The following TG variants were observed in gnomAD, a reference collection of about 807,000 sequenced individuals.
TG encodes the protein thyroid hormones.
TG carries 270 observed loss-of-function variants against 324.7 expected under a neutral mutation model. The observed-to-expected ratio is 0.83, with a 90% confidence interval of 0.75 to 0.92. The LOEUF (loss-of-function observed/expected upper bound fraction) is 0.92. TG is among the 40% of genes least tolerant of loss of function. TG has a pLI of 0.00. For synonymous variants in TG, 1,401 were observed against 1,327.0 expected (o/e 1.06, Z -1.21); for missense variants, 3,591 against 3,456.4 (o/e 1.04, Z -0.98).
Position 132,913,104 on chromosome 8 carries a change from G to A in TG, c.4217G>A (p.Gly1406Asp), listed in dbSNP as rs903287769. 1.9e-6 allele frequency: 3 copies of A among 1,614,078 alleles called. No homozygotes were observed. The highest frequency in any genetic ancestry group is 2.7e-5 in the African/African-American group (2 of 74,934). The stretch of plus-strand genomic sequence containing the variant: ...CGCTTCACAGATCTGATCCAGAGTG[G>A]CTCATTCCAGCTTCATCTGGACTCC... ...LGRFTDLIQS[G>D]SFQLHLDSKT... The change falls in exon 20 of 48, where the codon GGC (glycine) becomes GAC (aspartate). Residue 1406 changes from glycine (G) to aspartate (D), a missense_variant. Physicochemically the swap from Gly to Asp is moderately conservative, Grantham distance 94 (BLOSUM62 -1). Coordinates refer to ENST00000220616, the MANE Select transcript of TG (RefSeq NM_003235.5).
At chr8:132,963,335 C>A (rs1012131127) in intron 29 of TG, among the ~76,000 whole-genome samples, 2 of 152,134 alleles carry the variant, frequency 1.3e-5, no homozygotes, top group African/African-American at 2.4e-5. Flanking sequence ...AATAATAAAA[C>A]CTGAAAAAAG....
At chr8:133,133,247 C>T in intron 46 of TG, 1 of 623,870 alleles carries the variant, frequency 1.6e-6, no homozygotes, top group Non-Finnish European at 2.9e-6. Flanking sequence ...ATGACCTTAA[C>T]ACCTTTCCTC....
At chr8:133,045,379 C>A (rs1839138841) in intron 41 of TG, among the ~76,000 whole-genome samples, 1 of 147,646 alleles carries the variant, frequency 6.8e-6, no homozygotes, top group African/African-American at 2.5e-5. Flanking sequence ...CAGGTTTCAT[C>A]CTCTTTGCTT....
chr8:132,980,513 A>C (rs4074676), intron 34 of TG, among the ~76,000 whole-genome samples: 91,734 of 151,774 alleles, frequency 0.6, 28,984 homozygotes, highest in African/African-American at 0.74. Context: ...TGAGTTGTAT[A>C]CTTTATAATA....
chr8:133,057,896 G>C (rs1162190634), intron 41 of TG, among the ~76,000 whole-genome samples: 1 of 152,172 alleles, frequency 6.6e-6, no homozygotes, highest in African/African-American at 2.4e-5. Context: ...AAGTGTCCAG[G>C]CTGGCCTCTG....
intron 23 of TG, among the ~76,000 whole-genome samples, chr8:132,932,206 A>G (rs1822826359): frequency 6.6e-6 from 1 of 152,188 alleles, no homozygotes; most frequent in Non-Finnish European, 1.5e-5. Flanking sequence ...CATAAAAGAC[A>G]TTACAGCCAT....
chr8:133,039,575 G>C (rs1837766674), intron 41 of TG, among the ~76,000 whole-genome samples: 3 of 152,124 alleles, frequency 2.0e-5, no homozygotes, highest in South Asian at 2.1e-4. Context: ...TTTTCTCTTA[G>C]AAAAAACAAA....
At chr8:132,916,193 A>G (rs964595920) in intron 20 of TG, among the ~76,000 whole-genome samples, 2 of 152,216 alleles carry the variant, frequency 1.3e-5, no homozygotes, top group African/African-American at 4.8e-5. Context: ...CTCACTAGAC[A>G]TCTTCTGAAA....
At chr8:133,041,339 G>A (rs547366019) in intron 41 of TG, among the ~76,000 whole-genome samples, 4 of 152,350 alleles carry the variant, frequency 2.6e-5, no homozygotes, top group Admixed American at 6.5e-5. Flanking sequence ...AGCAGAAGAA[G>A]CACACTCAGT....
At chr8:132,904,285 G>C (rs959896261) in intron 16 of TG, among the ~76,000 whole-genome samples, 2 of 152,198 alleles carry the variant, frequency 1.3e-5, no homozygotes, top group Non-Finnish European at 2.9e-5. Flanking sequence ...AGGTGTGAGC[G>C]AGCAGGTCTG....
intron 34 of TG, among the ~76,000 whole-genome samples, chr8:132,982,832 G>T (rs1587675776): frequency 1.3e-5 from 2 of 152,214 alleles, no homozygotes; most frequent in Non-Finnish European, 2.9e-5. Flanking sequence ...ATAGTGGCTA[G>T]CATTTGTGTT....
At chr8:132,971,294 G>A (rs1829487616) in intron 32 of TG, among the ~76,000 whole-genome samples, 1 of 152,198 alleles carries the variant, frequency 6.6e-6, no homozygotes, top group South Asian at 2.1e-4. Flanking sequence ...GTTGTACACT[G>A]AGTAAGAGGG....
At chr8:133,072,070 AT>A (rs1844141609) in intron 41 of TG, among the ~76,000 whole-genome samples, 1 of 152,168 alleles carries the variant, frequency 6.6e-6, no homozygotes, top group Non-Finnish European at 1.5e-5. Context: ...GCCAGCAACA[AT>A]TCTCACTTTC....
chr8:133,095,072 T>A lies in TG; in HGVS notation c.7268T>A (p.Val2423Asp). The stretch of plus-strand genomic sequence containing the variant: ...GGCTCCGCACTCTCCCCGGCCGCCG[T>A]CATCAGCCATGAGAGGGCTCAGCAG... ...MGGSALSPAA[V>D]ISHERAQQQA... Residue 2423 changes from valine to aspartate, a missense_variant, in exon 42 of 48, where the codon GTC becomes GAC. Physicochemically the swap from Val to Asp is radical, Grantham distance 152. Transcript: ENST00000220616. 1 of 1,613,970 alleles carries A rather than the reference T, an allele frequency of 6.2e-7. No homozygotes were observed. Among genetic ancestry groups the A allele is most frequent in the Non-Finnish European group, 8.5e-7 (1 of 1,180,008 alleles).
At chr8:132,897,184 C>G (rs940387905) in intron 11 of TG, among the ~76,000 whole-genome samples, 1 of 152,212 alleles carries the variant, frequency 6.6e-6, no homozygotes, top group South Asian at 2.1e-4. Context: ...GTCTGTGAAC[C>G]CTTGGTTAAG....
intron 43 of TG, among the ~76,000 whole-genome samples, chr8:133,098,899 C>A (rs1035809709): frequency 6.6e-6 from 1 of 152,174 alleles, no homozygotes; most frequent in Non-Finnish European, 1.5e-5. Context: ...GGTTCAAGCA[C>A]GGTCCCAGGA....
intron 41 of TG, among the ~76,000 whole-genome samples, chr8:133,067,019 G>T (rs1171083076): frequency 6.6e-6 from 1 of 152,176 alleles, no homozygotes; most frequent in Non-Finnish European, 1.5e-5. Flanking sequence ...CGCCGTGACT[G>T]TACCCAGTAC....
chr8:133,043,939 C>T (rs1031151992), intron 41 of TG, among the ~76,000 whole-genome samples: 6 of 152,122 alleles, frequency 3.9e-5, no homozygotes, highest in African/African-American at 1.2e-4. Flanking sequence ...GGCAATGTTC[C>T]GCTGGGTAAA....
chr8:132,887,861 C>A, intron 9 of TG, 123 bp from the exon 10 acceptor site: 1 of 967,310 alleles, frequency 1.0e-6, no homozygotes, highest in Non-Finnish European at 1.6e-6. Context: ...ATTTAAGCTT[C>A]ATGGTATTTC....
Sources: allele counts gnomAD v4.1 joint callset (sites outside exome capture counted in the v4.1 genomes callset), GRCh38; gene constraint gnomAD v4.1.1; transcripts MANE v1.5; gene names NCBI Gene and HGNC (gene_info 2026-07-23, HGNC 2026-07-21).